KIAA0319L: variants seen among roughly 807,000 people sequenced by gnomAD.
KIAA0319L encodes the protein KIAA0319 like.
Under a neutral mutation model 120.1 loss-of-function variants are expected in KIAA0319L, and 55 were observed. The observed-to-expected ratio is 0.46, with a 90% confidence interval of 0.37 to 0.57. The LOEUF is 0.57. KIAA0319L is among the 20% of genes least tolerant of loss of function. The pLI, the probability that KIAA0319L is intolerant of heterozygous loss-of-function variation, is 0.00. For synonymous variants in KIAA0319L, 398 were observed against 471.9 expected (o/e 0.84, Z 2.03); for missense variants, 1,049 against 1,255.3 (o/e 0.84, Z 2.48).
intron 3 of KIAA0319L, among the ~76,000 whole-genome samples, chr1:35,480,446 A>G (rs1028420807): frequency 4.6e-5 from 7 of 152,214 alleles, no homozygotes; most frequent in Non-Finnish European, 7.3e-5. Context: ...CCAAATGAGA[A>G]ATAATGAGTA....
At chr1:35,513,427 C>T (rs978428333) in intron 2 of KIAA0319L, among the ~76,000 whole-genome samples, 1 of 151,250 alleles carries the variant, frequency 6.6e-6, no homozygotes, top group African/African-American at 2.4e-5. Context: ...CCAGCCCAGG[C>T]AACATAGCGA....
intron 8 of KIAA0319L, among the ~76,000 whole-genome samples, chr1:35,462,126 G>A (rs1642940323): frequency 6.6e-6 from 1 of 152,134 alleles, no homozygotes; most frequent in Non-Finnish European, 1.5e-5. Flanking sequence ...ACTCTGAAGA[G>A]TAAAATGTTA....
At chr1:35,452,615 C>T (rs1642144859) in intron 12 of KIAA0319L, among the ~76,000 whole-genome samples, 1 of 152,192 alleles carries the variant, frequency 6.6e-6, no homozygotes, top group African/African-American at 2.4e-5. Flanking sequence ...GCTGTAAACA[C>T]TAATAAAACT....
rs760713450 is a variant in KIAA0319L, at chr1:35,554,495, C to T, written c.-4G>A. 6.2e-7 allele frequency: 1 copy of T among 1,602,304 alleles called. No homozygotes were observed. Among genetic ancestry groups the T allele is most frequent in the Non-Finnish European group, 8.5e-7 (1 of 1,176,362 alleles). On this transcript the variant is annotated 5_prime_UTR_variant, in exon 2 of 21. Coordinates refer to ENST00000325722, the MANE Select transcript of KIAA0319L (RefSeq NM_024874.5). ...TGACTCCCAGCCTCTTCTCCATGGC[C>T]CTCCAGACAGGCAGAACCAGTACAC...
At chr1:35,450,062 A>G in intron 14 of KIAA0319L, 57 bp from the exon 15 acceptor site, 1 of 1,600,762 alleles carries the variant, frequency 6.2e-7, no homozygotes, top group South Asian at 1.1e-5. Flanking sequence ...CCTTTCCTGG[A>G]GTCAGTTGCT....
At chr1:35,450,209 T>C in intron 14 of KIAA0319L, 149 bp downstream of exon 14, 1 of 991,310 alleles carries the variant, frequency 1.0e-6, no homozygotes, top group Non-Finnish European at 1.5e-6. Flanking sequence ...GCTTACAGAA[T>C]GACCCTAAGC....
rs1366240395 is a variant in KIAA0319L at position 35,499,397 on chromosome 1, TC to T, written c.666+7214del. Among the ~76,000 whole-genome samples, 3 of 152,172 alleles carry T rather than the reference TC, an allele frequency of 2.0e-5. No homozygotes were observed. In the East Asian group the frequency reaches 5.8e-4, roughly 29 times the overall value. On this transcript the variant is annotated intron_variant, in intron 3 of 20. Coordinates refer to ENST00000325722, the MANE Select transcript of KIAA0319L (RefSeq NM_024874.5). ...GACCAGAGAGAGTTTGTCTTCCTCT[TC>T]CACCGTGTGAGAACATAGCTAGAAT...
chr1:35,552,284 G>C, intron 2 of KIAA0319L, among the ~76,000 whole-genome samples: 1 of 152,174 alleles, frequency 6.6e-6, no homozygotes, highest in Non-Finnish European at 1.5e-5. Context: ...GGAGGTTGCA[G>C]TGAGCAGAGA....
chr1:35,434,956 C>G lies in KIAA0319L; in HGVS notation c.3088G>C (p.Gly1030Arg). The G allele has an allele frequency of 1.2e-6, 2 of 1,614,092 alleles. No homozygotes were observed. Among genetic ancestry groups the G allele is most frequent in the Non-Finnish European group, 1.7e-6 (2 of 1,180,040 alleles). ...GGGGTCTGCCCGTTGGGTACAGAGC[C>G]ATTCTGACCATGCAGGAGTTTGCCC... is the stretch of plus-strand genomic sequence containing the variant. ...EKGKLLHGQN[G>R]SVPNGQTPLK... Residue 1030 changes from glycine (G) to arginine (R), a missense_variant, in exon 21 of 21, where the codon GGC (glycine) becomes CGC (arginine). By Grantham distance (125) the Gly-to-Arg change is moderately radical. Coordinates refer to ENST00000325722, the MANE Select transcript of KIAA0319L (RefSeq NM_024874.5).
At chr1:35,493,213 AT>A (rs1238455556) in intron 3 of KIAA0319L, among the ~76,000 whole-genome samples, 1 of 152,186 alleles carries the variant, frequency 6.6e-6, no homozygotes, top group Non-Finnish European at 1.5e-5. Flanking sequence ...CAAGACCAAT[AT>A]ACAAAAAGTA....
rs191894008 is a variant in KIAA0319L, at chr1:35,460,563, A to C, written c.1295-126T>G. The C allele has an allele frequency of 3.7e-3, 2,874 of 786,000 alleles. 8 individuals are homozygous for C. Among genetic ancestry groups the C allele is most frequent in the Non-Finnish European group, 4.2e-3 (2,073 of 491,126 alleles). 48.7% of individuals were successfully genotyped at this position (786,000 alleles called of 1,614,324 possible). On this transcript the variant is annotated intron_variant, in intron 8 of 20. Transcript: ENST00000325722. ...GGAAAACTTCATGAAATTACAGACTATCTCTCCAGAATGTTTCTTCCCTAG... is the reference window on the plus strand; with the variant it reads ...GGAAAACTTCATGAAATTACAGACTCTCTCTCCAGAATGTTTCTTCCCTAG...
At chr1:35,530,513 T>C (rs762637404) in intron 2 of KIAA0319L, among the ~76,000 whole-genome samples, 6 of 152,212 alleles carry the variant, frequency 3.9e-5, no homozygotes, top group Non-Finnish European at 8.8e-5. Flanking sequence ...GTGTTGTTTA[T>C]CTGTGTTCCC....
intron 2 of KIAA0319L, among the ~76,000 whole-genome samples, chr1:35,546,776 C>A (rs1324833023): frequency 6.6e-6 from 1 of 152,062 alleles, no homozygotes; most frequent in East Asian, 1.9e-4. Context: ...ATTTTTCTAA[C>A]CTTCAACAAC....
chr1:35,494,943 C>T (rs1456310386), intron 3 of KIAA0319L, among the ~76,000 whole-genome samples: 1 of 152,038 alleles, frequency 6.6e-6, no homozygotes, highest in South Asian at 2.1e-4. Flanking sequence ...AAAGGTAAAA[C>T]GGCAATTCAG....
intron 11 of KIAA0319L, 54 bp downstream of exon 11, chr1:35,454,308 A>C: frequency 6.2e-7 from 1 of 1,601,982 alleles, no homozygotes; most frequent in Non-Finnish European, 8.5e-7. Flanking sequence ...CTTTTCCCCC[A>C]AGGTTAAATG....
At chr1:35,556,069 G>T (rs1199923234) in intron 1 of KIAA0319L, among the ~76,000 whole-genome samples, 1 of 152,186 alleles carries the variant, frequency 6.6e-6, no homozygotes, top group African/African-American at 2.4e-5. Flanking sequence ...ACATCACCAA[G>T]ATCCGAATAG....
At chr1:35,474,984 C>A (rs1330222430) in intron 4 of KIAA0319L, 78 bp from the exon 5 acceptor site, 5 of 827,114 alleles carry the variant, frequency 6.0e-6, no homozygotes, top group Non-Finnish European at 7.8e-6. Context: ...TGTGATCAAA[C>A]TCCTTTCATG....
At chr1:35,522,526 C>T (rs1208035240) in intron 2 of KIAA0319L, among the ~76,000 whole-genome samples, 1 of 152,124 alleles carries the variant, frequency 6.6e-6, no homozygotes, top group South Asian at 2.1e-4. Flanking sequence ...GATTCGCCTT[C>T]CTTGGCCTCT....
chr1:35,459,148 T>A (rs1490524659), intron 9 of KIAA0319L, among the ~76,000 whole-genome samples: 1 of 152,010 alleles, frequency 6.6e-6, no homozygotes, highest in African/African-American at 2.4e-5. Flanking sequence ...AGCCATATTC[T>A]CTCCTGTCTG....
Sources: gnomAD v4.1 joint callset for allele counts (sites outside exome capture counted in the v4.1 genomes callset) on GRCh38, gnomAD v4.1.1 for gene constraint, MANE v1.5 for transcripts, NCBI Gene and HGNC (gene_info 2026-07-23, HGNC 2026-07-21) for gene names.